Variants in DSC2 observed in about 807,000 individuals in gnomAD.
DSC2 encodes desmocollin 2.
A neutral mutation model predicts 87.6 loss-of-function variants in DSC2; 51 were observed. The observed-to-expected ratio is 0.58, with a 90% CI of 0.46 to 0.74. The LOEUF (loss-of-function observed/expected upper bound fraction) is 0.74, where lower values mean the gene tolerates loss of function less well. DSC2 is among the 30% of genes least tolerant of loss of function. The probability of loss-of-function intolerance (pLI) is 0.00; values close to 1 mark genes in which losing one functional copy is unlikely to be tolerated. For missense variants in DSC2, 1,066 were observed against 1,089.5 expected (o/e 0.98, Z 0.30); for synonymous variants, 383 against 393.2 (o/e 0.97, Z 0.31).
intron 1 of DSC2, among the ~76,000 whole-genome samples, chr18:31,097,454 T>G (rs1426877417): frequency 6.6e-6 from 1 of 151,704 alleles, no homozygotes; most frequent in Non-Finnish European, 1.5e-5. Context: ...CAACAACGTA[T>G]CTATATCGAT....
chr18:31,082,911 A>G lies in DSC2; in HGVS notation c.1077+15T>C, dbSNP rs374321855. 24 of 1,612,362 alleles carry G rather than the reference A, an allele frequency of 1.5e-5. No individual in the cohort carries two copies. The highest frequency in any genetic ancestry group is 1.8e-5 in the Non-Finnish European group (21 of 1,179,482). On this transcript the variant is annotated intron_variant, in intron 8 of 15. Transcript: ENST00000280904. Reference sequence around the variant, plus strand: ...TGGTCTATACATTTTTCTTTAATTAATATCATACACTTACAGAAGTACGAG... The same window carrying G: ...TGGTCTATACATTTTTCTTTAATTAGTATCATACACTTACAGAAGTACGAG...
chr18:31,082,888 G>A, intron 8 of DSC2, 38 bp downstream of exon 8: 1 of 1,605,956 alleles, frequency 6.2e-7, no homozygotes, highest in East Asian at 2.2e-5. Context: ...ATTAAAACTG[G>A]TCTATACATT....
chr18:31,082,830 T>C (rs1188593967), intron 8 of DSC2, 96 bp downstream of exon 8: 12 of 1,416,076 alleles, frequency 8.5e-6, no homozygotes, highest in Non-Finnish European at 1.1e-5. Context: ...AGTGCTGAGA[T>C]TACAGGCGTG....
intron 1 of DSC2, among the ~76,000 whole-genome samples, chr18:31,095,719 A>G (rs1210180705): frequency 6.6e-6 from 1 of 152,144 alleles, no homozygotes; most frequent in East Asian, 1.9e-4. Flanking sequence ...CTCATGAAAC[A>G]TTCAATCTAA....
chr18:31,069,267 T>G, intron 14 of DSC2, 116 bp from the exon 15 acceptor site: 1 of 1,306,296 alleles, frequency 7.7e-7, no homozygotes, highest in African/African-American at 1.5e-5. Flanking sequence ...AGGTAAGCTC[T>G]CTGAGAGCAG....
In DSC2 at chr18:31,080,002, A is replaced by T. The variant is rs794728069; in HGVS notation, c.1521-13T>A. 6.2e-7 allele frequency: 1 copy of T among 1,612,172 alleles called. No homozygotes were observed. On this transcript the variant is annotated splice_polypyrimidine_tract_variant and intron_variant, in intron 10 of 15. Coordinates refer to ENST00000280904, the MANE Select transcript of DSC2 (RefSeq NM_024422.6). ...TAATTTCTTATACCTGTTGGTAATG[A>T]TGAATTAAAATAATAAAATTTATCA... is the stretch of plus-strand genomic sequence containing the variant.
chr18:31,078,832 T>C (rs1041195167), intron 11 of DSC2, among the ~76,000 whole-genome samples: 5 of 152,178 alleles, frequency 3.3e-5, no homozygotes, highest in Admixed American at 3.3e-4. Context: ...TACAAAGACA[T>C]AAAGTTCAAA....
intron 11 of DSC2, among the ~76,000 whole-genome samples, chr18:31,078,911 TCTCA>T (rs1448419160): frequency 6.6e-6 from 1 of 152,182 alleles, no homozygotes; most frequent in African/African-American, 2.4e-5. Flanking sequence ...CTCATATTTC[TCTCA>T]ATTTTATAGA....
rs911577148 is a variant in DSC2 at position 31,064,336 on chromosome 18, T to C, written c.*3679A>G. 1 of 151,920 alleles carries C rather than the reference T, an allele frequency of 6.6e-6. No individual in the cohort carries two copies. The highest frequency in any genetic ancestry group is 1.5e-5 in the Non-Finnish European group (1 of 68,054). 9.4% of individuals were successfully genotyped at this position (151,920 alleles called of 1,614,324 possible). On this transcript the variant is annotated 3_prime_UTR_variant, in exon 16 of 16. Coordinates refer to ENST00000280904, the MANE Select transcript of DSC2 (RefSeq NM_024422.6). Reference sequence around the variant, plus strand: ...AGTGGCTGATTCATCTTGCACTTTCTCATAGAAGCACAGTCCTTCTAGTCT... The same window carrying C: ...AGTGGCTGATTCATCTTGCACTTTCCCATAGAAGCACAGTCCTTCTAGTCT...
At position 31,061,006 on chromosome 18, in the gene DSC2, G is replaced by T. The variant is rs1125876; in HGVS notation, c.*7009C>A. On this transcript the variant is annotated 3_prime_UTR_variant, in exon 16 of 16. Coordinates refer to ENST00000280904, the MANE Select transcript of DSC2 (RefSeq NM_024422.6). ...TAAACCCAGTTACTAAAACCCTAAC[G>T]ATTGTCAAACTTTAGAGTAAGAAAA... is the stretch of plus-strand genomic sequence containing the variant. 6.7e-6 allele frequency: 1 copy of T among 149,962 alleles called. No individual in the cohort carries two copies. The highest frequency in any genetic ancestry group is 1.5e-5 in the Non-Finnish European group (1 of 66,580). 9.3% of individuals were successfully genotyped at this position (149,962 alleles called of 1,614,324 possible). A position where few individuals can be genotyped will look rare whatever the true frequency, so the allele number is the denominator to read the frequency against.
intron 14 of DSC2, 94 bp downstream of exon 14, chr18:31,070,632 A>T: frequency 1.3e-6 from 2 of 1,576,008 alleles, no homozygotes. Context: ...GCCTGATACC[A>T]AAAGAACTTT....
chr18:31,082,395 A>G lies in DSC2; in HGVS notation c.1106T>C (p.Val369Ala), dbSNP rs758970360. The part of the protein sequence containing the change: ...SYVTSVEENT[V>A]DVEILRVTVE... Reference sequence around the variant, plus strand: ...AGTAACTCGTAAGATTTCCACATCAACTGTATTTTCTTCCACTGATGTCAC... The same window carrying G: ...AGTAACTCGTAAGATTTCCACATCAGCTGTATTTTCTTCCACTGATGTCAC... Residue 369 changes from valine to alanine, a missense_variant, in exon 9 of 16, where the codon GTT becomes GCT. Val to Ala is a moderately conservative substitution (Grantham distance 64). Coordinates refer to ENST00000280904, the MANE Select transcript of DSC2 (RefSeq NM_024422.6). 6.2e-7 allele frequency: 1 copy of G among 1,613,708 alleles called. No homozygotes were observed. The highest frequency in any genetic ancestry group is 2.2e-5 in the East Asian group (1 of 44,836).
At chr18:31,095,570 T>C (rs1790693) in intron 1 of DSC2, among the ~76,000 whole-genome samples, 2 of 152,280 alleles carry the variant, frequency 1.3e-5, no homozygotes, top group South Asian at 4.1e-4. Flanking sequence ...GGTAATAATG[T>C]TGGAGAAGAT....
rs1256397583 is a variant in DSC2, at chr18:31,062,587, C to G, written c.*5428G>C. ...TATTCATTCATCCATTTATTCATCA[C>G]ACACCAAATATATTCAGTGTCTACT... On this transcript the variant is annotated 3_prime_UTR_variant, in exon 16 of 16. Coordinates refer to ENST00000280904, the MANE Select transcript of DSC2 (RefSeq NM_024422.6). 6.6e-6 allele frequency: 1 copy of G among 152,178 alleles called. No individual in the cohort carries two copies. 9.4% of individuals were successfully genotyped at this position (152,178 alleles called of 1,614,324 possible).
chr18:31,088,761 G>A (rs1436070015), intron 5 of DSC2, among the ~76,000 whole-genome samples: 1 of 152,042 alleles, frequency 6.6e-6, no homozygotes, highest in Non-Finnish European at 1.5e-5. Flanking sequence ...ATAAACTAAT[G>A]CTCTCCCATT....
intron 5 of DSC2, 116 bp downstream of exon 5, chr18:31,089,323 A>AACT (rs1987511489): frequency 8.8e-7 from 1 of 1,134,670 alleles, no homozygotes; most frequent in Non-Finnish European, 1.3e-6. Context: ...ATTAGGGAGT[A>AACT]GCCAGAGCAT....
Position 31,093,545 on chromosome 18 carries a change from T to A in DSC2, c.154+14A>T. The stretch of plus-strand genomic sequence containing the variant: ...GCAAAACAGGATTTATTACAAATTT[T>A]AGGGCTTCCTTACCTCTACCAACAA... On this transcript the variant is annotated intron_variant, in intron 2 of 15. Coordinates refer to ENST00000280904, the MANE Select transcript of DSC2 (RefSeq NM_024422.6). 3 of 1,591,874 alleles carry A rather than the reference T, an allele frequency of 1.9e-6. No homozygotes were observed. Among genetic ancestry groups the A allele is most frequent in the Non-Finnish European group, 2.6e-6 (3 of 1,163,930 alleles).
rs193289146 is a variant in DSC2, at chr18:31,059,348, C to T, written c.*8667G>A. 5 of 152,192 alleles carry T rather than the reference C, an allele frequency of 3.3e-5. No homozygotes were observed. Among genetic ancestry groups the T allele is most frequent in the African/African-American group, 4.8e-5 (2 of 41,534 alleles). The allele number at this position is 152,192 out of a possible 1,614,324, so 9.4% of individuals were successfully genotyped here. The stretch of plus-strand genomic sequence containing the variant: ...TAGATAGTGCATAACAAATTACTGA[C>T]GACAAATCCTAAGTGCGTTAAAGTA... On this transcript the variant is annotated 3_prime_UTR_variant, in exon 16 of 16. Coordinates refer to ENST00000280904, the MANE Select transcript of DSC2 (RefSeq NM_024422.6).
At chr18:31,072,168 G>A (rs957664014) in intron 12 of DSC2, among the ~76,000 whole-genome samples, 9 of 152,148 alleles carry the variant, frequency 5.9e-5, no homozygotes, top group African/African-American at 2.2e-4. Flanking sequence ...ACCATATCTT[G>A]AAAATATTTA....
Sources: allele counts gnomAD v4.1 joint callset (sites outside exome capture counted in the v4.1 genomes callset), GRCh38; gene constraint gnomAD v4.1.1; transcripts MANE v1.5; gene names NCBI Gene and HGNC (gene_info 2026-07-23, HGNC 2026-07-21).